The following STK11IP variants were observed in gnomAD, a reference collection of about 807,000 sequenced individuals.
STK11IP encodes serine/threonine kinase 11 interacting protein, also known as serine/threonine-protein kinase 11-interacting protein.
STK11IP carries 103 observed loss-of-function variants against 131.7 expected under a neutral mutation model. The ratio of observed to expected loss-of-function variants is 0.78; its 90% confidence interval spans 0.67 to 0.92. STK11IP has a LOEUF of 0.92. Among genes scored for constraint, STK11IP ranks in the 40% least tolerant of loss-of-function variants. The pLI is 0.00. For synonymous variants in STK11IP, 557 were observed against 575.6 expected, an observed-to-expected ratio of 0.97 and a Z score of 0.46; for missense variants, 1,315 against 1,385.7, an observed-to-expected ratio of 0.95 and a Z score of 0.81.
chr2:219,597,964 A>G (rs754780429), intron 1 of STK11IP, 41 bp downstream of exon 1: 1 of 1,609,002 alleles, frequency 6.2e-7, no homozygotes, highest in East Asian at 2.3e-5. Context: ...AAGGGCGGCC[A>G]GGAGGATGCT....
At chr2:219,599,250 G>A (rs1472576010) in intron 2 of STK11IP, among the ~76,000 whole-genome samples, 2 of 151,914 alleles carry the variant, frequency 1.3e-5, no homozygotes, top group South Asian at 2.1e-4. Context: ...CACCATGACC[G>A]GCTAATTTTT....
In STK11IP at chr2:219,597,935, C is replaced by G; in HGVS notation, c.-27+12C>G. ...GACGGGGAGGTTCGGTATGTCTGAC[C>G]AGGACTTATGTTCCTCGAAAGGGCG... On this transcript the variant is annotated intron_variant, in intron 1 of 24. Coordinates refer to ENST00000456909, the MANE Select transcript of STK11IP (RefSeq NM_052902.4). The G allele has an allele frequency of 3.1e-6, 5 of 1,612,078 alleles. No individual in the cohort carries two copies. The highest frequency in any genetic ancestry group is 4.2e-6 in the Non-Finnish European group (5 of 1,179,144).
In STK11IP at chr2:219,611,683, G is replaced by A; in HGVS notation, c.2184G>A (p.Glu728=). Residue 728 remains glutamate (E), a synonymous_variant, in exon 18 of 25, where the codon GAG becomes GAA. Coordinates refer to ENST00000456909, the MANE Select transcript of STK11IP (RefSeq NM_052902.4). ...LAVSRGTPNR[E]RKQGEQSLAP... is the part of the protein sequence containing the mutation. Reference sequence around the variant, plus strand: ...TGTCTCGGGGAACCCCCAACAGGGAGCGGAAACAGGGAGAGCAGTCTCTGG... The same window carrying A: ...TGTCTCGGGGAACCCCCAACAGGGAACGGAAACAGGGAGAGCAGTCTCTGG... The A allele has an allele frequency of 6.2e-7, 1 of 1,613,168 alleles. No individual in the cohort carries two copies. Among genetic ancestry groups the A allele is most frequent in the East Asian group, 2.2e-5 (1 of 44,876 alleles).
intron 19 of STK11IP, 168 bp from the exon 20 acceptor site, chr2:219,612,960 G>T: frequency 1.7e-6 from 1 of 601,792 alleles, no homozygotes. Flanking sequence ...AAGGCAGAGA[G>T]CGGTGGTGGA....
At chr2:219,607,413 T>C (rs1698228300) in intron 13 of STK11IP, among the ~76,000 whole-genome samples, 1 of 152,074 alleles carries the variant, frequency 6.6e-6, no homozygotes, top group African/African-American at 2.4e-5. Flanking sequence ...TCCCAGCACT[T>C]TGGGAGGCTG....
At chr2:219,598,442 C>T in intron 2 of STK11IP, 1 of 416,228 alleles carries the variant, frequency 2.4e-6, no homozygotes, top group East Asian at 4.0e-5. Context: ...AGGAAGTGAT[C>T]ATTACCTGAC....
chr2:219,608,499 T>C lies in STK11IP; in HGVS notation c.1603+69T>C, dbSNP rs1459519979. ...TGGGATGTTTGTGAGTGGTGGGGCC[T>C]GGCGGGTGGAGGGCCAGTTCGGGGG... is the stretch of plus-strand genomic sequence containing the variant. On this transcript the variant is annotated intron_variant, in intron 14 of 24. Transcript: ENST00000456909. The C allele has an allele frequency of 3.3e-6, 5 of 1,531,630 alleles. No individual in the cohort carries two copies. In the African/African-American group the frequency reaches 6.9e-5, roughly 21 times the overall value. 94.9% of individuals were successfully genotyped at this position (1,531,630 alleles called of 1,614,324 possible). A position where few individuals can be genotyped will look rare whatever the true frequency, so the allele number is the denominator to read the frequency against.
chr2:219,616,175 G>T lies in STK11IP; in HGVS notation c.3249G>T (p.Ala1083=), dbSNP rs527347101. The change falls in exon 25 of 25, where the codon GCG becomes GCT. Residue 1083 remains alanine (A), a synonymous_variant. Transcript: ENST00000456909. ...SIGLRTVIQE[A]LALDR is the part of the protein sequence containing the mutation. ...GACTCCGGACAGTGATCCAAGAGGC[G>T]CTGGCCCTTGACCGATGAGGGTCCC... 1.1e-5 allele frequency: 18 copies of T among 1,613,364 alleles called. No individual in the cohort carries two copies. Among genetic ancestry groups the T allele is most frequent in the Non-Finnish European group, 1.5e-5 (18 of 1,179,830 alleles).
intron 8 of STK11IP, 79 bp from the exon 9 acceptor site, chr2:219,605,877 A>C: frequency 2.0e-6 from 3 of 1,479,850 alleles, no homozygotes; most frequent in Non-Finnish European, 2.8e-6. Context: ...TTCTGCTGCA[A>C]CCTCCCCCAG....
rs772097928 is a variant in STK11IP at position 219,605,777 on chromosome 2, G to A, written c.745+43G>A. ...ATGGGGCAAGCATGGAGGGGAAGGGGGAGAGTGAGGCTGGGGCTGGCCTGG... is the reference window on the plus strand; with the variant it reads ...ATGGGGCAAGCATGGAGGGGAAGGGAGAGAGTGAGGCTGGGGCTGGCCTGG... On this transcript the variant is annotated intron_variant, in intron 8 of 24. Coordinates refer to ENST00000456909, the MANE Select transcript of STK11IP (RefSeq NM_052902.4). 9.5e-6 allele frequency: 15 copies of A among 1,583,218 alleles called. No homozygotes were observed. In the East Asian group the frequency reaches 2.7e-4, roughly 29 times the overall value.
chr2:219,606,912 C>T, intron 12 of STK11IP, 54 bp downstream of exon 12: 1 of 1,588,646 alleles, frequency 6.3e-7, no homozygotes. Context: ...TCTCCGGGGA[C>T]TCTGGGCTAC....
chr2:219,598,085 CCCCCCCAGGCTCCG>C lies in STK11IP; in HGVS notation c.-26_-13del. The C allele has an allele frequency of 6.3e-7, 1 of 1,578,888 alleles. No individual in the cohort carries two copies. Among genetic ancestry groups the C allele is most frequent in the South Asian group, 1.2e-5 (1 of 86,426 alleles). On this transcript the variant is annotated splice_acceptor_variant and splice_polypyrimidine_tract_variant and 5_prime_UTR_variant and intron_variant, in exon 2 of 25. Coordinates refer to ENST00000456909, the MANE Select transcript of STK11IP (RefSeq NM_052902.4). LOFTEE classifies it low-confidence loss of function (5UTR_SPLICE). ...CTGAGGCTCTTCCGCTTCCTCTTTCCCCCCCCAGGCTCCGCCCCCCAGCGTCCCGTGGCCATGAC... is the reference window on the plus strand; with the variant it reads ...CTGAGGCTCTTCCGCTTCCTCTTTCCCCCCCCAGCGTCCCGTGGCCATGAC...
At chr2:219,598,016 C>T in intron 1 of STK11IP, 78 bp from the exon 2 acceptor site, 1 of 1,576,908 alleles carries the variant, frequency 6.3e-7, no homozygotes, top group Non-Finnish European at 8.6e-7. Context: ...CGCATGACGC[C>T]TCGGTTTGCG....
intron 9 of STK11IP, 34 bp from the exon 10 acceptor site, chr2:219,606,144 GGGAGGGCCAGGGCCCCA>G (rs2106153853): frequency 6.5e-7 from 1 of 1,538,984 alleles, no homozygotes; most frequent in African/African-American, 1.4e-5. Flanking sequence ...TCTTCACACA[GGGAGGGCCAGGGCCCCA>G]GGCCCTCCTC....
intron 24 of STK11IP, chr2:219,615,766 G>A (rs1181333083): frequency 8.9e-6 from 6 of 673,644 alleles, no homozygotes; most frequent in Non-Finnish European, 1.7e-5. Flanking sequence ...TGGTGGAGCC[G>A]GGAATTGAAT....
Position 219,609,515 on chromosome 2 carries a change from C to T in STK11IP, c.2079C>T (p.Gly693=), listed in dbSNP as rs1698322638. Residue 693 remains glycine (G), a synonymous_variant, in exon 17 of 25, where the codon GGC becomes GGT. Transcript: ENST00000456909. The part of the protein sequence containing the change: ...EPRMGLDSEE[G]WRPLFQKTES... ...GGATGGGATTAGACAGTGAGGAAGGCTGGAGGCCTCTGTTCCAAAAGACAG... is the reference window on the plus strand; with the variant it reads ...GGATGGGATTAGACAGTGAGGAAGGTTGGAGGCCTCTGTTCCAAAAGACAG... 6.3e-7 allele frequency: 1 copy of T among 1,577,014 alleles called. No individual in the cohort carries two copies. The highest frequency in any genetic ancestry group is 1.8e-5 in the Admixed American group (1 of 54,180).
rs758550142 is a variant in STK11IP at position 219,614,617 on chromosome 2, G to A, written c.2869+71G>A. On this transcript the variant is annotated intron_variant, in intron 23 of 24. Coordinates refer to ENST00000456909, the MANE Select transcript of STK11IP (RefSeq NM_052902.4). ...CCTTGTCACAGGCACTGGCCCACGC[G>A]CAGCACCTGTACAGTGCCCTTGCAG... The A allele has an allele frequency of 1.6e-5, 23 of 1,465,194 alleles. No individual in the cohort carries two copies. In the African/African-American group the frequency reaches 1.7e-4, roughly 11 times the overall value. The allele number at this position is 1,465,194 out of a possible 1,614,324, so 90.8% of individuals were successfully genotyped here.
chr2:219,615,976 G>T, intron 24 of STK11IP, 68 bp from the exon 25 acceptor site: 1 of 1,574,858 alleles, frequency 6.3e-7, no homozygotes, highest in South Asian at 1.2e-5. Context: ...CCTTCGCAGA[G>T]ACCTCCCTTG....
chr2:219,604,691 A>G (rs960273084), intron 7 of STK11IP, among the ~76,000 whole-genome samples: 3 of 152,202 alleles, frequency 2.0e-5, no homozygotes, highest in East Asian at 3.9e-4. Flanking sequence ...AGATGGTGGA[A>G]TGAGGATAGC....
Sources: allele counts gnomAD v4.1 joint callset (sites outside exome capture counted in the v4.1 genomes callset), GRCh38; gene constraint gnomAD v4.1.1; transcripts MANE v1.5; gene names NCBI Gene and HGNC (gene_info 2026-07-23, HGNC 2026-07-21).